TLE6: variants seen among roughly 807,000 people sequenced by gnomAD.
The protein encoded by TLE6 is transducin-like enhancer protein 6.
In TLE6, 72 loss-of-function variants were observed where a neutral mutation model predicts 77.1. That is an observed-to-expected ratio of 0.93 (90% CI 0.77 to 1.14). The LOEUF (loss-of-function observed/expected upper bound fraction) is 1.14. TLE6 is among the 50% of genes most tolerant of loss of function. The pLI is 0.00. For synonymous variants in TLE6, 366 were observed against 287.3 expected (o/e 1.27, Z -2.77); for missense variants, 843 against 747.6 (o/e 1.13, Z -1.49).
In TLE6 at chr19:2,994,901, T is replaced by C; in HGVS notation, c.1616T>C (p.Val539Ala). The change falls in exon 17 of 17, where the codon GTG becomes GCG. Residue 539 changes from valine to alanine, a missense_variant and splice_region_variant. Transcript: ENST00000246112. ...CACTGCCCACTGCCCCCCCTCCAGG[T>C]GCCTGAGATGTCTCCAGTCACGTGC... is the stretch of plus-strand genomic sequence containing the variant. Reference protein sequence around the residue: ...SMPAGTKVFEVPEMSPVTCCD... With the variant: ...SMPAGTKVFEAPEMSPVTCCD... The C allele has an allele frequency of 6.3e-7, 1 of 1,590,716 alleles. No individual in the cohort carries two copies. Among genetic ancestry groups the C allele is most frequent in the Non-Finnish European group, 8.6e-7 (1 of 1,167,762 alleles).
At chr19:2,984,345 C>G (rs1372588303) in intron 5 of TLE6, 1 of 151,208 alleles carries the variant, frequency 6.6e-6, no homozygotes, top group Admixed American at 6.6e-5. Context: ...TGGAGTCCCC[C>G]CCCCCCCGCG....
chr19:2,991,039 T>TACATATATATATACAC (rs2089042210), intron 13 of TLE6, among the ~76,000 whole-genome samples: 4 of 104,764 alleles, frequency 3.8e-5, no homozygotes, highest in Non-Finnish European at 7.1e-5. Context: ...CATACATACA[T>TACATATATATATACAC]ACATATATGT....
rs1228448857 is a variant in TLE6, at chr19:2,988,073, G to A, written c.703-18G>A. On this transcript the variant is annotated intron_variant, in intron 10 of 16. Transcript: ENST00000246112. ...GTGCGGGGAGGCTGGGGGCAGCTGT[G>A]ATCTCCCCCGCCTGCAGGAGCCTCC... 1.9e-6 allele frequency: 3 copies of A among 1,552,944 alleles called. No homozygotes were observed. Among genetic ancestry groups the A allele is most frequent in the Non-Finnish European group, 2.6e-6 (3 of 1,147,688 alleles).
intron 11 of TLE6, 135 bp from the exon 12 acceptor site, chr19:2,988,917 GAGGGGAGTC>G: frequency 1.6e-6 from 1 of 614,382 alleles, no homozygotes; most frequent in Non-Finnish European, 2.3e-6. Flanking sequence ...GCAGGACATT[GAGGGGAGTC>G]TAGAGGGTAA....
intron 2 of TLE6, among the ~76,000 whole-genome samples, chr19:2,979,033 C>T (rs970645150): frequency 3.5e-4 from 54 of 152,172 alleles, no homozygotes; most frequent in African/African-American, 1.3e-3. Flanking sequence ...CTCACTGCAA[C>T]CTCTGCCTCC....
chr19:2,987,434 C>A, intron 8 of TLE6, 62 bp downstream of exon 8: 2 of 1,608,518 alleles, frequency 1.2e-6, no homozygotes, highest in South Asian at 2.2e-5. Flanking sequence ...GTTGGGCTCC[C>A]CCAGGTCAGG....
chr19:2,992,238 C>A (rs915136120), intron 14 of TLE6, among the ~76,000 whole-genome samples: 1 of 151,896 alleles, frequency 6.6e-6, no homozygotes, highest in African/African-American at 2.4e-5. Flanking sequence ...TTTTGGAGGC[C>A]GAGGAGGGCA....
chr19:2,984,060 T>G (rs2088854808), intron 5 of TLE6: 2 of 152,444 alleles, frequency 1.3e-5, no homozygotes, highest in Middle Eastern at 6.8e-3. Flanking sequence ...CCCCACCCGC[T>G]GCTTCCAGTT....
At chr19:2,982,406 C>T (rs1019014016) in intron 5 of TLE6, among the ~76,000 whole-genome samples, 11 of 151,798 alleles carry the variant, frequency 7.2e-5, no homozygotes, top group Non-Finnish European at 1.2e-4. Context: ...GGCGTGGTGG[C>T]GGGCGCCTGT....
At chr19:2,985,881 G>A (rs1277333574) in intron 5 of TLE6, among the ~76,000 whole-genome samples, 2 of 150,458 alleles carry the variant, frequency 1.3e-5, no homozygotes, top group Admixed American at 1.3e-4. Context: ...TTCAAGACCA[G>A]CCCGGCCAAC....
chr19:2,992,498 C>T (rs1370111416), intron 14 of TLE6, among the ~76,000 whole-genome samples: 1 of 152,030 alleles, frequency 6.6e-6, no homozygotes, highest in Non-Finnish European at 1.5e-5. Context: ...TGGCCAGGCA[C>T]AGTGGCGTAT....
chr19:2,992,245 G>A lies in TLE6; in HGVS notation c.1386+261G>A, dbSNP rs368867944. On this transcript the variant is annotated intron_variant, in intron 14 of 16. Transcript: ENST00000246112. ...CCCAGCACTTTTGGAGGCCGAGGAG[G>A]GCAAATCACCTGAGGTCGGGAGTTC... 1.2e-4 allele frequency among the ~76,000 whole-genome samples: 19 copies of A among 152,210 alleles called. No homozygotes were observed. In the East Asian group the frequency reaches 1.4e-3, roughly 11 times the overall value.
At chr19:2,978,065 T>A in intron 1 of TLE6, 133 bp from the exon 2 acceptor site, 1 of 647,444 alleles carries the variant, frequency 1.5e-6, no homozygotes, top group Non-Finnish European at 2.8e-6. Flanking sequence ...AGGGAACGCA[T>A]GGGAGAACCG....
Position 2,989,779 on chromosome 19 carries a change from T to G in TLE6, c.1238T>G (p.Val413Gly). ...ATCTGGGACCTGCGGGATCAGAGTG[T>G]GGTCAGGTGCGTTTGGGGGGTGGGA... ...VRIWDLRDQSVVRDLKGYPDG... is the reference protein window; with the variant it reads ...VRIWDLRDQSGVRDLKGYPDG... The change falls in exon 13 of 17, where the codon GTG (valine) becomes GGG (glycine). Residue 413 changes from valine to glycine, a missense_variant. Coordinates refer to ENST00000246112, the MANE Select transcript of TLE6 (RefSeq NM_001143986.2). The G allele has an allele frequency of 6.2e-7, 1 of 1,613,238 alleles. No individual in the cohort carries two copies. The highest frequency in any genetic ancestry group is 8.5e-7 in the Non-Finnish European group (1 of 1,179,422).
chr19:2,989,549 C>G lies in TLE6; in HGVS notation c.1008C>G (p.Phe336Leu), dbSNP rs182608246. The change falls in exon 13 of 17, where the codon TTC (phenylalanine) becomes TTG (leucine). Residue 336 changes from phenylalanine (F) to leucine (L), a missense_variant. Physicochemically the swap from Phe to Leu is conservative, Grantham distance 22 (BLOSUM62 0). Transcript: ENST00000246112. ...GCCCATCCCAGACCCCTGGGGCCTT[C>G]CTGCGCACCTGCCTGCTGTCCTCAA... ...SHLPIQTPGA[F>L]LRTCLLSSNS... 1.2e-6 allele frequency: 2 copies of G among 1,612,268 alleles called. No homozygotes were observed. The highest frequency in any genetic ancestry group is 2.7e-5 in the African/African-American group (2 of 74,908).
intron 5 of TLE6, 132 bp from the exon 6 acceptor site, chr19:2,986,695 CAG>C (rs1218703011): frequency 9.0e-6 from 8 of 891,350 alleles, no homozygotes; most frequent in South Asian, 6.8e-5. Flanking sequence ...GCTTGGGTGA[CAG>C]AGTGAGACTC....
chr19:2,979,058 TCTC>T (rs1269122478), intron 2 of TLE6, among the ~76,000 whole-genome samples: 1 of 152,076 alleles, frequency 6.6e-6, no homozygotes, highest in Non-Finnish European at 1.5e-5. Flanking sequence ...TTCAAGTGAT[TCTC>T]CTGCCTCGCC....
intron 15 of TLE6, 140 bp downstream of exon 15, chr19:2,993,722 C>A: frequency 1.8e-6 from 2 of 1,112,826 alleles, no homozygotes; most frequent in Non-Finnish European, 2.5e-6. Context: ...TGGGGATGCT[C>A]TTATAGTGGA....
intron 13 of TLE6, among the ~76,000 whole-genome samples, chr19:2,991,425 C>CACAT (rs1300185737): frequency 2.3e-3 from 316 of 135,532 alleles, no homozygotes; most frequent in Non-Finnish European, 2.6e-3. Context: ...CACACACACA[C>CACAT]ATATATATAA....
Sources: gnomAD v4.1 joint callset for allele counts (sites outside exome capture counted in the v4.1 genomes callset) on GRCh38, gnomAD v4.1.1 for gene constraint, MANE v1.5 for transcripts, NCBI Gene and HGNC (gene_info 2026-07-23, HGNC 2026-07-21) for gene names.